The following GABRG3 variants were observed in gnomAD, a reference collection of about 807,000 sequenced individuals.
GABRG3 encodes gamma-aminobutyric acid type A receptor subunit gamma3.
GABRG3 carries 25 observed loss-of-function variants against 48.8 expected under a neutral mutation model. The ratio of observed to expected loss-of-function variants is 0.51; its 90% CI spans 0.37 to 0.72. GABRG3 has a LOEUF of 0.72. Among genes scored for constraint, GABRG3 ranks in the 30% least tolerant of loss-of-function variants. The pLI is 0.00. For synonymous variants in GABRG3, 227 were observed against 217.6 expected, an observed-to-expected ratio of 1.04 and a Z score of -0.38; for missense variants, 394 against 577.9, an observed-to-expected ratio of 0.68 and a Z score of 3.26.
intron 3 of GABRG3, among the ~76,000 whole-genome samples, chr15:27,307,756 C>CTT (rs1555370108): frequency 4.0e-4 from 45 of 112,210 alleles, no homozygotes; most frequent in African/African-American, 1.7e-3. Context: ...TATATATAAA[C>CTT]ATATAAAATA....
At chr15:27,163,508 G>T (rs1887266751) in intron 3 of GABRG3, among the ~76,000 whole-genome samples, 2 of 152,008 alleles carry the variant, frequency 1.3e-5, no homozygotes, top group Non-Finnish European at 2.9e-5. Flanking sequence ...AAAAACAGCT[G>T]CAATCTCTTG....
chr15:27,013,789 T>G (rs1482124696), intron 2 of GABRG3, among the ~76,000 whole-genome samples: 1 of 152,074 alleles, frequency 6.6e-6, no homozygotes, highest in Admixed American at 6.5e-5. Flanking sequence ...AAATAGGAAG[T>G]TTCAGACCTC....
chr15:27,442,890 G>GATCAGCT (rs1308872950), intron 5 of GABRG3, among the ~76,000 whole-genome samples: 1 of 152,214 alleles, frequency 6.6e-6, no homozygotes, highest in African/African-American at 2.4e-5. Context: ...CAGCAAGGCA[G>GATCAGCT]ATCAGCTGCC....
At chr15:27,389,399 C>A (rs965310577) in intron 5 of GABRG3, among the ~76,000 whole-genome samples, 1 of 152,178 alleles carries the variant, frequency 6.6e-6, no homozygotes, top group African/African-American at 2.4e-5. Context: ...GTTTTTCCTG[C>A]ACCACAGGGA....
intron 6 of GABRG3, chr15:27,483,292 C>G (rs1890142484): frequency 6.6e-6 from 1 of 152,200 alleles, no homozygotes; most frequent in African/African-American, 2.4e-5. Flanking sequence ...CCACGTCCTT[C>G]TAACCTGCAG....
intron 6 of GABRG3, among the ~76,000 whole-genome samples, chr15:27,504,499 T>C (rs572014751): frequency 2.0e-5 from 3 of 152,340 alleles, no homozygotes; most frequent in Admixed American, 6.5e-5. Flanking sequence ...AGTACACTTA[T>C]ATTTCTCCAT....
chr15:27,464,043 A>T lies in GABRG3; in HGVS notation c.575-16607A>T, dbSNP rs1272542145. On this transcript the variant is annotated intron_variant, in intron 5 of 9. Coordinates refer to ENST00000615808, the MANE Select transcript of GABRG3 (RefSeq NM_033223.5). ...CCTAAACAGCTGTGGGAGCACCAGCACTCCGCATTTTCATACTACTCCAGG... is the reference window on the plus strand; with the variant it reads ...CCTAAACAGCTGTGGGAGCACCAGCTCTCCGCATTTTCATACTACTCCAGG... Among the ~76,000 whole-genome samples the T allele has an allele frequency of 2.6e-5, 4 of 151,972 alleles. No homozygotes were observed. The East Asian group carries it at 7.7e-4, about 29-fold the overall frequency.
At chr15:27,162,704 T>C (rs1887236342) in intron 3 of GABRG3, among the ~76,000 whole-genome samples, 1 of 152,092 alleles carries the variant, frequency 6.6e-6, no homozygotes, top group Non-Finnish European at 1.5e-5. Context: ...CCTTAGCATG[T>C]GTGAAGCATC....
chr15:27,235,432 T>C (rs1595603289), intron 3 of GABRG3, among the ~76,000 whole-genome samples: 1 of 152,296 alleles, frequency 6.6e-6, no homozygotes, highest in East Asian at 1.9e-4. Context: ...TCCACATGGC[T>C]CACTGTGTTT....
At chr15:27,477,272 C>T (rs1889968156) in intron 5 of GABRG3, among the ~76,000 whole-genome samples, 1 of 152,076 alleles carries the variant, frequency 6.6e-6, no homozygotes, top group South Asian at 2.1e-4. Context: ...AGCTATTAAG[C>T]CATGAAGACA....
rs952838240 is a variant in GABRG3 at position 26,981,279 on chromosome 15, G to A, written c.202+4129G>A. On this transcript the variant is annotated intron_variant, in intron 2 of 9. Transcript: ENST00000615808. ...GTGAGCATTTCTGTACAAAAAAAGA[G>A]AGTGTGCTTTTAGTTTCCAAGTACT... Among the ~76,000 whole-genome samples the A allele has an allele frequency of 1.2e-3, 186 of 152,324 alleles. 1 individual carries two copies. The highest frequency in any genetic ancestry group is 4.4e-3 in the African/African-American group (182 of 41,570).
intron 6 of GABRG3, among the ~76,000 whole-genome samples, chr15:27,490,397 C>T (rs765850383): frequency 6.6e-5 from 10 of 152,240 alleles, no homozygotes; most frequent in East Asian, 1.9e-4. Flanking sequence ...CCTTAGGAGT[C>T]CCCTGGGGAG....
At chr15:27,515,824 A>G (rs1434589899) in intron 6 of GABRG3, among the ~76,000 whole-genome samples, 3 of 152,242 alleles carry the variant, frequency 2.0e-5, no homozygotes, top group East Asian at 1.9e-4. Context: ...GAAAATATCT[A>G]TATGAACTTC....
intron 2 of GABRG3, 92 bp downstream of exon 2, chr15:26,977,242 G>A: frequency 1.5e-6 from 2 of 1,334,112 alleles, no homozygotes; most frequent in East Asian, 2.3e-5. Context: ...CAAGAGTATT[G>A]CAAAGATAGT....
intron 3 of GABRG3, chr15:27,208,066 G>A (rs918857622): frequency 2.8e-4 from 47 of 166,328 alleles, no homozygotes; most frequent in Non-Finnish European, 2.0e-4. Context: ...AACCTCTCGA[G>A]CAAAGGTGGT....
intron 3 of GABRG3, among the ~76,000 whole-genome samples, chr15:27,090,390 CAGCACCTGCGT>C (rs1470185726): frequency 6.6e-6 from 1 of 152,146 alleles, no homozygotes; most frequent in Non-Finnish European, 1.5e-5. Flanking sequence ...GTAAGCTGAG[CAGCACCTGCGT>C]TTAGGAGTGG....
chr15:27,253,000 T>G (rs1190413197), intron 3 of GABRG3, among the ~76,000 whole-genome samples: 1 of 152,232 alleles, frequency 6.6e-6, no homozygotes, highest in Non-Finnish European at 1.5e-5. Flanking sequence ...AGCCCAGGTC[T>G]CAGATGGTTT....
chr15:27,333,969 T>C (rs1893883869), intron 5 of GABRG3, among the ~76,000 whole-genome samples: 1 of 152,234 alleles, frequency 6.6e-6, no homozygotes, highest in South Asian at 2.1e-4. Flanking sequence ...TAATTTGTTT[T>C]CTTCTTGGTT....
intron 6 of GABRG3, among the ~76,000 whole-genome samples, chr15:27,510,527 TCA>T (rs1890871814): frequency 6.6e-6 from 1 of 152,242 alleles, no homozygotes; most frequent in African/African-American, 2.4e-5. Context: ...ATGAGTTCTG[TCA>T]TCCTCTCCCA....
Sources: gnomAD v4.1 joint callset for allele counts (sites outside exome capture counted in the v4.1 genomes callset) on GRCh38, gnomAD v4.1.1 for gene constraint, MANE v1.5 for transcripts, NCBI Gene and HGNC (gene_info 2026-07-23, HGNC 2026-07-21) for gene names.